The following PCMTD1 variants were observed in gnomAD, a reference collection of about 807,000 sequenced individuals.
PCMTD1 encodes the protein protein-L-isoaspartate (D-aspartate) O-methyltransferase domain containing 1.
Under a neutral mutation model 37.6 loss-of-function variants are expected in PCMTD1, and 12 were observed. The ratio of observed to expected loss-of-function variants is 0.32; its 90% CI spans 0.20 to 0.52. The LOEUF is 0.52. Among genes scored for constraint, PCMTD1 ranks in the 20% least tolerant of loss-of-function variants. PCMTD1 has a pLI of 0.97. For missense variants in PCMTD1, 235 were observed against 421.3 expected (o/e 0.56, Z 3.87); for synonymous variants, 117 against 135.8 (o/e 0.86, Z 0.96).
intron 2 of PCMTD1, among the ~76,000 whole-genome samples, chr8:51,857,998 A>C (rs1163977277): frequency 6.7e-6 from 1 of 148,588 alleles, no homozygotes; most frequent in African/African-American, 2.4e-5. Context: ...CCTAAAAATA[A>C]ATGAATAAAT....
chr8:51,867,484 T>G (rs2038572924), intron 1 of PCMTD1, among the ~76,000 whole-genome samples: 1 of 88,594 alleles, frequency 1.1e-5, no homozygotes, highest in Non-Finnish European at 3.0e-5. Context: ...ATGGTGTGTG[T>G]GTGTGTGTGT....
intron 1 of PCMTD1, among the ~76,000 whole-genome samples, chr8:51,878,250 G>GTTTTTTT (rs375362623): frequency 4.5e-4 from 62 of 139,136 alleles, no homozygotes; most frequent in Non-Finnish European, 7.7e-4. Flanking sequence ...TTTTTTTTTG[G>GTTTTTTT]TTTTTTTTTT....
At chr8:51,859,335 T>C (rs958404120) in intron 2 of PCMTD1, among the ~76,000 whole-genome samples, 29 of 152,058 alleles carry the variant, frequency 1.9e-4, no homozygotes, top group Non-Finnish European at 4.4e-5. Flanking sequence ...AAGAAACCGG[T>C]GATAGAAGTG....
intron 1 of PCMTD1, among the ~76,000 whole-genome samples, chr8:51,875,629 C>T (rs2038700119): frequency 6.6e-6 from 1 of 152,124 alleles, no homozygotes; most frequent in Non-Finnish European, 1.5e-5. Flanking sequence ...AAAAATTACA[C>T]GTAAGTAAAG....
intron 3 of PCMTD1, among the ~76,000 whole-genome samples, chr8:51,834,029 G>C (rs1585793844): frequency 6.6e-6 from 1 of 152,062 alleles, no homozygotes; most frequent in Non-Finnish European, 1.5e-5. Flanking sequence ...AGAATCATAA[G>C]GATCAATAAA....
At chr8:51,899,041 A>G, upstream of PCMTD1, 2 of 1,508,186 alleles carry the variant, frequency 1.3e-6, no homozygotes, top group Non-Finnish European at 1.8e-6. Flanking sequence ...CCGAGTGGAG[A>G]GGCGGGGCCC....
intron 3 of PCMTD1, among the ~76,000 whole-genome samples, chr8:51,836,121 C>T (rs1465093613): frequency 6.6e-6 from 1 of 152,118 alleles, no homozygotes; most frequent in Non-Finnish European, 1.5e-5. Flanking sequence ...GATAAATGCT[C>T]TTAAAGGGAA....
intron 3 of PCMTD1, among the ~76,000 whole-genome samples, chr8:51,835,920 AAAATT>A (rs1218075296): frequency 1.3e-5 from 2 of 152,204 alleles, no homozygotes; most frequent in African/African-American, 4.8e-5. Context: ...GTGTGATTCT[AAAATT>A]AAATGTGTGA....
intron 2 of PCMTD1, chr8:51,860,395 CTTCT>C (rs1171380372): frequency 1.3e-5 from 2 of 156,132 alleles, no homozygotes; most frequent in African/African-American, 4.8e-5. Context: ...TGAACATATA[CTTCT>C]TTCTTCTCTA....
At chr8:51,850,823 A>G (rs2038294345) in intron 2 of PCMTD1, among the ~76,000 whole-genome samples, 1 of 152,208 alleles carries the variant, frequency 6.6e-6, no homozygotes, top group South Asian at 2.1e-4. Flanking sequence ...GTTAGATAAA[A>G]TAAGGTATCT....
intron 2 of PCMTD1, among the ~76,000 whole-genome samples, chr8:51,845,969 C>T (rs529062897): frequency 6.6e-6 from 1 of 152,158 alleles, no homozygotes; most frequent in Admixed American, 6.5e-5. Context: ...AAAAGTTCGC[C>T]TGAGTTTTCT....
chr8:51,854,608 G>T (rs1243310250), intron 2 of PCMTD1, among the ~76,000 whole-genome samples: 1 of 152,208 alleles, frequency 6.6e-6, no homozygotes, highest in Non-Finnish European at 1.5e-5. Flanking sequence ...GCCAGGCGCA[G>T]TGGTTTATGC....
At chr8:51,883,164 A>G (rs1358963828) in intron 1 of PCMTD1, among the ~76,000 whole-genome samples, 3 of 152,132 alleles carry the variant, frequency 2.0e-5, no homozygotes, top group African/African-American at 7.2e-5. Context: ...AAAAAAAGTA[A>G]GGTAAATGCT....
At chr8:51,845,001 A>G (rs2038197819) in intron 3 of PCMTD1, 1 of 152,220 alleles carries the variant, frequency 6.6e-6, no homozygotes, top group Non-Finnish European at 1.5e-5. Context: ...ATTTTACACA[A>G]TTTCAAAGAG....
intron 1 of PCMTD1, among the ~76,000 whole-genome samples, chr8:51,863,904 G>A (rs1428478279): frequency 6.7e-6 from 1 of 149,350 alleles, no homozygotes; most frequent in African/African-American, 2.5e-5. Flanking sequence ...TCCAGTCTGG[G>A]CGACAGTGAG....
chr8:51,859,591 T>TA (rs2038442074), intron 2 of PCMTD1, among the ~76,000 whole-genome samples: 1 of 152,122 alleles, frequency 6.6e-6, no homozygotes, highest in Non-Finnish European at 1.5e-5. Flanking sequence ...AGCTAGTGTG[T>TA]AGGGAGGAAA....
At chr8:51,889,150 T>G (rs901747997) in intron 1 of PCMTD1, among the ~76,000 whole-genome samples, 1 of 152,220 alleles carries the variant, frequency 6.6e-6, no homozygotes, top group Non-Finnish European at 1.5e-5. Flanking sequence ...TAAGAGAGCA[T>G]GAGGTTATCA....
At chr8:51,870,130 T>G (rs980489856) in intron 1 of PCMTD1, 43 of 152,224 alleles carry the variant, frequency 2.8e-4, no homozygotes, top group African/African-American at 9.9e-4. Context: ...AAATGAATGC[T>G]GACTCACTTT....
At chr8:51,825,866 A>T (rs1265566046) in intron 5 of PCMTD1, among the ~76,000 whole-genome samples, 1 of 152,236 alleles carries the variant, frequency 6.6e-6, no homozygotes, top group Non-Finnish European at 1.5e-5. Context: ...GATGCTCGAG[A>T]GGATGAGGAG....
Sources: gnomAD v4.1 joint callset for allele counts (sites outside exome capture counted in the v4.1 genomes callset) on GRCh38, gnomAD v4.1.1 for gene constraint, MANE v1.5 for transcripts, NCBI Gene and HGNC (gene_info 2026-07-23, HGNC 2026-07-21) for gene names.